GMCL1: variants seen among roughly 807,000 people sequenced by gnomAD.
GMCL1 encodes the protein germ cell-less protein-like 1.
In GMCL1, 54 loss-of-function variants were observed where a neutral mutation model predicts 75.5. The observed-to-expected ratio is 0.71, with a 90% CI of 0.57 to 0.90. The LOEUF (loss-of-function observed/expected upper bound fraction) is 0.90, where lower values mean the gene tolerates loss of function less well. Ranked by LOEUF, GMCL1 falls within the 40% of genes least tolerant of loss-of-function variation. The pLI is 0.00. For synonymous variants in GMCL1, 210 were observed against 209.6 expected (o/e 1.00, Z -0.02); for missense variants, 537 against 622.7 (o/e 0.86, Z 1.47).
At chr2:69,877,745 ACT>A (rs1391371231) in intron 13 of GMCL1, among the ~76,000 whole-genome samples, 1 of 150,958 alleles carries the variant, frequency 6.6e-6, no homozygotes. Context: ...AGACATTTGT[ACT>A]CTCTACCTTC....
Position 69,830,049 on chromosome 2 carries a change from A to C in GMCL1, c.157A>C (p.Lys53Gln), listed in dbSNP as rs1194899450. The C allele has an allele frequency of 6.4e-7, 1 of 1,566,612 alleles. No homozygotes were observed. Among genetic ancestry groups the C allele is most frequent in the Non-Finnish European group, 8.7e-7 (1 of 1,155,150 alleles). ...TTACTGTGCGGGCAGCCACAAGCGC[A>C]AGCGGAGCAGCGGGTCCTTCTGCTA... ...FCYCAGSHKR[K>Q]RSSGSFCYCH... is the part of the protein sequence containing the mutation. Residue 53 changes from lysine (K) to glutamine (Q), a missense_variant, in exon 1 of 14, where the codon AAG (lysine) becomes CAG (glutamine). Lys to Gln is a moderately conservative substitution (Grantham distance 53). Coordinates refer to ENST00000282570, the MANE Select transcript of GMCL1 (RefSeq NM_178439.5).
At chr2:69,860,394 T>A (rs1281452850) in intron 9 of GMCL1, among the ~76,000 whole-genome samples, 1 of 152,154 alleles carries the variant, frequency 6.6e-6, no homozygotes, top group Non-Finnish European at 1.5e-5. Context: ...ATGTCTGTAA[T>A]TACAATTTTT....
chr2:69,856,185 G>A (rs970704065), intron 9 of GMCL1, among the ~76,000 whole-genome samples: 5 of 152,158 alleles, frequency 3.3e-5, no homozygotes, highest in African/African-American at 1.2e-4. Flanking sequence ...GAGATAGGCT[G>A]ATATATGCTC....
intron 5 of GMCL1, 55 bp downstream of exon 5, chr2:69,843,316 T>C: frequency 4.4e-6 from 4 of 910,664 alleles, no homozygotes; most frequent in Non-Finnish European, 1.8e-6. Flanking sequence ...TTTGGTTGCT[T>C]TAGTTTCTTA....
In GMCL1 at chr2:69,879,601, A is replaced by T. The variant is rs2104086362; in HGVS notation, c.*597A>T. On this transcript the variant is annotated 3_prime_UTR_variant, in exon 14 of 14. Transcript: ENST00000282570. Reference sequence around the variant, plus strand: ...TTAAATATTTTCTTCCTGGTTTTGGAGACTAAGCTGATAAACTTTTTTTAA... The same window carrying T: ...TTAAATATTTTCTTCCTGGTTTTGGTGACTAAGCTGATAAACTTTTTTTAA... 1 of 152,218 alleles carries T rather than the reference A, an allele frequency of 6.6e-6. No individual in the cohort carries two copies. The highest frequency in any genetic ancestry group is 2.1e-4 in the South Asian group (1 of 4,822). The allele number at this position is 152,218 out of a possible 1,614,324, so 9.4% of individuals were successfully genotyped here. A position where few individuals can be genotyped will look rare whatever the true frequency, so the allele number is the denominator to read the frequency against.
chr2:69,835,472 G>A (rs1480182213), intron 1 of GMCL1, among the ~76,000 whole-genome samples: 3 of 151,308 alleles, frequency 2.0e-5, no homozygotes, highest in Admixed American at 6.6e-5. Flanking sequence ...CATGGTGGGT[G>A]ATCCTTCCTT....
In GMCL1 at chr2:69,847,626, A is replaced by C; in HGVS notation, c.842A>C (p.Lys281Thr). Reference protein sequence around the residue: ...VEMDIYTALKKWMFLQLVPSW... With the variant: ...VEMDIYTALKTWMFLQLVPSW... ...ATGGATATATACACTGCTCTAAAAA[A>C]GGTACTGACGTAATATGATGTCATA... is the stretch of plus-strand genomic sequence containing the variant. The change falls in exon 7 of 14, where the codon AAG becomes ACG. Residue 281 changes from lysine to threonine, a missense_variant and splice_region_variant. By Grantham distance (78) the Lys-to-Thr change is moderately conservative (BLOSUM62 -1). Around this residue, in one of 3 missense-constraint regions of GMCL1, gnomAD observed 345 missense variants for 410.5 expected, o/e 0.84. Transcript: ENST00000282570. 1 of 1,586,082 alleles carries C rather than the reference A, an allele frequency of 6.3e-7. No individual in the cohort carries two copies. Among genetic ancestry groups the C allele is most frequent in the Non-Finnish European group, 8.7e-7 (1 of 1,155,208 alleles).
chr2:69,861,379 A>T (rs768318247), intron 10 of GMCL1, 32 bp downstream of exon 10: 2 of 1,417,808 alleles, frequency 1.4e-6, no homozygotes, highest in Non-Finnish European at 1.9e-6. Flanking sequence ...ATTTTTCATT[A>T]AAAAAATTTG....
At chr2:69,844,097 C>G in intron 5 of GMCL1, 34 bp from the exon 6 acceptor site, 1 of 989,910 alleles carries the variant, frequency 1.0e-6, no homozygotes, top group Non-Finnish European at 1.5e-6. Context: ...AAATACATGG[C>G]ATATAATGTA....
rs1209858265 is a variant in GMCL1 at position 69,840,409 on chromosome 2, C to CA, written c.482-519dup. Among the ~76,000 whole-genome samples, 855 of 124,824 alleles carry CA rather than the reference C, an allele frequency of 6.8e-3. 10 individuals are homozygous for CA. Among genetic ancestry groups the CA allele is most frequent in the African/African-American group, 0.02 (682 of 33,742 alleles). The allele number at this position is 124,824 out of a possible 152,430, so 81.9% of individuals were successfully genotyped here. A position where few individuals can be genotyped will look rare whatever the true frequency, so the allele number is the denominator to read the frequency against. On this transcript the variant is annotated intron_variant, in intron 3 of 13. Coordinates refer to ENST00000282570, the MANE Select transcript of GMCL1 (RefSeq NM_178439.5). Reference sequence around the variant, plus strand: ...TGGGCGACAGAGCGAGACTCCATCTCAAAAAAAAAAAAAAGAATATTTACA... The same window carrying CA: ...TGGGCGACAGAGCGAGACTCCATCTCAAAAAAAAAAAAAAAGAATATTTACA...
At chr2:69,852,678 A>G (rs967718491) in intron 8 of GMCL1, among the ~76,000 whole-genome samples, 5 of 152,036 alleles carry the variant, frequency 3.3e-5, no homozygotes, top group Admixed American at 6.6e-5. Context: ...AGCTGGGACT[A>G]CAGGTGCATG....
intron 9 of GMCL1, among the ~76,000 whole-genome samples, chr2:69,856,629 T>A (rs1432437366): frequency 7.2e-6 from 1 of 139,082 alleles, no homozygotes; most frequent in Non-Finnish European, 1.6e-5. Flanking sequence ...AAATCTTCCA[T>A]CTCTTCCCTC....
In GMCL1 at chr2:69,865,612, C is replaced by T. The variant is rs189455965; in HGVS notation, c.1218+637C>T. ...GCAGTAAGCCGAGATCATGCCACTG[C>T]ACTCCAGCCTGGGCGACAAAGTAAG... On this transcript the variant is annotated intron_variant, in intron 11 of 13. Transcript: ENST00000282570. 6.7e-3 allele frequency among the ~76,000 whole-genome samples: 1,011 copies of T among 151,920 alleles called. 11 individuals are homozygous for T. Among genetic ancestry groups the T allele is most frequent in the African/African-American group, 0.022 (905 of 41,380 alleles).
At chr2:69,844,775 C>A in intron 6 of GMCL1, 1 of 274,544 alleles carries the variant, frequency 3.6e-6, no homozygotes, top group Non-Finnish European at 8.0e-6. Flanking sequence ...GCTGTGATTG[C>A]GACACTGCTC....
In GMCL1 at chr2:69,837,625, T is replaced by C. The variant is rs767620254; in HGVS notation, c.339T>C (p.Cys113=). 14 of 1,607,308 alleles carry C rather than the reference T, an allele frequency of 8.7e-6. No individual in the cohort carries two copies. Among genetic ancestry groups the C allele is most frequent in the Non-Finnish European group, 1.2e-5 (14 of 1,178,008 alleles). ...LNGENSDIKI[C]ALGEEWSLHK... ...GTGAAAACAGTGACATTAAGATTTGTGCTCTAGGAGAAGAATGGAGCTTAC... is the reference window on the plus strand; with the variant it reads ...GTGAAAACAGTGACATTAAGATTTGCGCTCTAGGAGAAGAATGGAGCTTAC... Residue 113 remains cysteine (C), a synonymous_variant, in exon 2 of 14, where the codon TGT becomes TGC. Transcript: ENST00000282570.
chr2:69,863,827 T>C (rs1177122439), intron 10 of GMCL1, among the ~76,000 whole-genome samples: 2 of 152,324 alleles, frequency 1.3e-5, no homozygotes, highest in East Asian at 1.9e-4. Context: ...TAAATTCTTA[T>C]GTTCATATGC....
chr2:69,860,177 G>A (rs1394493181), intron 9 of GMCL1, among the ~76,000 whole-genome samples: 2 of 151,998 alleles, frequency 1.3e-5, no homozygotes. Flanking sequence ...GTTTTGGAGA[G>A]ATCAGGTCTC....
At chr2:69,853,380 C>T (rs1675375930) in intron 8 of GMCL1, among the ~76,000 whole-genome samples, 2 of 152,008 alleles carry the variant, frequency 1.3e-5, no homozygotes, top group Non-Finnish European at 2.9e-5. Context: ...TAGGCAGGTG[C>T]CAAGGGAATA....
chr2:69,859,144 CAAA>C (rs571712437), intron 9 of GMCL1, among the ~76,000 whole-genome samples: 13 of 62,658 alleles, frequency 2.1e-4, no homozygotes, highest in African/African-American at 4.6e-4. Flanking sequence ...GACTCTGTCT[CAAA>C]AAAAAAAAAA....
Sources: allele counts gnomAD v4.1 joint callset (sites outside exome capture counted in the v4.1 genomes callset), GRCh38; gene constraint gnomAD v4.1.1; regional missense constraint gnomAD v4.1.1; transcripts MANE v1.5; gene names NCBI Gene and HGNC (gene_info 2026-07-23, HGNC 2026-07-21).